CETP: variants seen among roughly 807,000 people sequenced by gnomAD.
CETP encodes the protein BPI fold containing family F.
CETP carries 56 observed loss-of-function variants against 66.5 expected under a neutral mutation model. That is an observed-to-expected ratio of 0.84 (90% confidence interval 0.68 to 1.05). CETP has a LOEUF of 1.05. CETP is among the 50% of genes least tolerant of loss of function. The pLI is 0.00. For missense variants in CETP, 612 were observed against 609.6 expected, an observed-to-expected ratio of 1.00 and a Z score of -0.04; for synonymous variants, 251 against 245.7, an observed-to-expected ratio of 1.02 and a Z score of -0.20.
In CETP at chr16:56,971,945, G is replaced by T. The variant is rs777159862; in HGVS notation, c.659-47G>T. 5.2e-6 allele frequency: 8 copies of T among 1,530,206 alleles called. No homozygotes were observed. In the South Asian group the frequency reaches 7.8e-5, roughly 15 times the overall value. The allele number at this position is 1,530,206 out of a possible 1,614,324, so 94.8% of individuals were successfully genotyped here. On this transcript the variant is annotated intron_variant, in intron 7 of 15. Coordinates refer to ENST00000200676, the MANE Select transcript of CETP (RefSeq NM_000078.3). ...GGATGCAGGGGAGCGGTGACTCAGG[G>T]CAATTCCCCCATCCTGAGGCCCTGC... is the stretch of plus-strand genomic sequence containing the variant.
intron 2 of CETP, 97 bp from the exon 3 acceptor site, chr16:56,969,289 T>A (rs1392418492): frequency 6.6e-7 from 1 of 1,521,706 alleles, no homozygotes; most frequent in Admixed American, 1.7e-5. Context: ...GGGGCCATGA[T>A]TCTATCTTCC....
chr16:56,975,678 C>T (rs2056144346), intron 10 of CETP, among the ~76,000 whole-genome samples: 1 of 152,208 alleles, frequency 6.6e-6, no homozygotes, highest in Non-Finnish European at 1.5e-5. Flanking sequence ...CCATGATCTC[C>T]TACCTCAAAT....
chr16:56,972,102 T>G lies in CETP; in HGVS notation c.750+19T>G, dbSNP rs1597000847. ...TCACAAGGTAGGAGTTGTGGGAGGG[T>G]GGGGCAGGGCCCAGCTTCCCCAGGG... On this transcript the variant is annotated intron_variant, in intron 8 of 15. Coordinates refer to ENST00000200676, the MANE Select transcript of CETP (RefSeq NM_000078.3). 1 of 1,598,452 alleles carries G rather than the reference T, an allele frequency of 6.3e-7. No homozygotes were observed. The highest frequency in any genetic ancestry group is 8.6e-7 in the Non-Finnish European group (1 of 1,166,160).
At position 56,983,367 on chromosome 16, in the gene CETP, G is replaced by A. The variant is rs2228667; in HGVS notation, c.1363G>A (p.Val455Met). 6.6e-5 allele frequency: 106 copies of A among 1,614,242 alleles called. No homozygotes were observed. The African/African-American group carries it at 7.9e-4, about 12-fold the overall frequency. Residue 455 changes from valine to methionine, a missense_variant, in exon 15 of 16, where the codon GTG becomes ATG. Val to Met is a conservative substitution (Grantham distance 21). Transcript: ENST00000200676. The stretch of plus-strand genomic sequence containing the variant: ...TACAGCCCTCATGAACAGCAAAGGC[G>A]TGAGCCTCTTCGACATCATCAACCC... ...VFTALMNSKG[V>M]SLFDIINPEI... is the part of the protein sequence containing the mutation.
chr16:56,963,728 G>C (rs2141991478), intron 2 of CETP, among the ~76,000 whole-genome samples: 1 of 152,238 alleles, frequency 6.6e-6, no homozygotes, highest in East Asian at 1.9e-4. Flanking sequence ...GGAGTGCAGT[G>C]GCACAATCTC....
rs781066624 is a variant in CETP at position 56,981,654 on chromosome 16, C to A, written c.1222C>A (p.Pro408Thr). The change falls in exon 13 of 16, where the codon CCA (proline) becomes ACA (threonine). Residue 408 changes from proline (P) to threonine (T), a missense_variant. Transcript: ENST00000200676. ...ATCGCTTTTTTATTTCAGGATTACA[C>A]CAAAGACTGTTTCCAACTTGACTGA... Reference protein sequence around the residue: ...FLSLLDFQITPKTVSNLTESS... With the variant: ...FLSLLDFQITTKTVSNLTESS... 3 of 1,613,810 alleles carry A rather than the reference C, an allele frequency of 1.9e-6. No individual in the cohort carries two copies. The East Asian group carries it at 6.7e-5, about 36-fold the overall frequency.
intron 1 of CETP, among the ~76,000 whole-genome samples, chr16:56,962,773 T>TC (rs2141990449): frequency 6.6e-6 from 1 of 152,200 alleles, no homozygotes; most frequent in East Asian, 1.9e-4. Context: ...TGTGTCAGGA[T>TC]CCAGAGGCTA....
chr16:56,975,226 C>T lies in CETP; in HGVS notation c.981+75C>T. Reference sequence around the variant, plus strand: ...TGCTCTGGCTTCAAGAGCCCCCACACAGCCAATAACACCACCAATGGCAAC... The same window carrying T: ...TGCTCTGGCTTCAAGAGCCCCCACATAGCCAATAACACCACCAATGGCAAC... On this transcript the variant is annotated intron_variant, in intron 10 of 15. Transcript: ENST00000200676. The T allele has an allele frequency of 4.1e-6, 5 of 1,224,902 alleles. No homozygotes were observed. In the South Asian group the frequency reaches 6.0e-5, roughly 15 times the overall value. The allele number at this position is 1,224,902 out of a possible 1,614,324, so 75.9% of individuals were successfully genotyped here.
At chr16:56,962,495 C>G in intron 1 of CETP, 1 of 426,458 alleles carries the variant, frequency 2.3e-6, no homozygotes, top group Non-Finnish European at 4.6e-6. Flanking sequence ...TTGCCATGAG[C>G]TCAGGTGACG....
At chr16:56,966,560 C>T (rs1038147338) in intron 2 of CETP, among the ~76,000 whole-genome samples, 10 of 152,058 alleles carry the variant, frequency 6.6e-5, no homozygotes, top group African/African-American at 1.7e-4. Context: ...CCCTGCAGCC[C>T]GGCTGGGTTT....
Position 56,965,133 on chromosome 16 carries a change from G to C in CETP, c.233+2009G>C, listed in dbSNP as rs144472672. ...TAATGCTATCCTAGACCTATGTGTT[G>C]CAAGAGGTCAGACATGGCAAAAGCG... On this transcript the variant is annotated intron_variant, in intron 2 of 15. Coordinates refer to ENST00000200676, the MANE Select transcript of CETP (RefSeq NM_000078.3). 3.9e-5 allele frequency among the ~76,000 whole-genome samples: 6 copies of C among 152,314 alleles called. No individual in the cohort carries two copies. In the East Asian group the frequency reaches 1.2e-3, roughly 29 times the overall value.
intron 1 of CETP, 113 bp from the exon 2 acceptor site, chr16:56,962,897 C>T (rs747420636): frequency 6.8e-6 from 6 of 887,416 alleles, no homozygotes; most frequent in Non-Finnish European, 1.1e-5. Flanking sequence ...AGCTTTAAGA[C>T]CTGCTGGGAG....
rs749289206 is a variant in CETP, at chr16:56,978,261, G to GCCT, written c.1146+7_1146+8insCTC. On this transcript the variant is annotated splice_region_variant and intron_variant, in intron 11 of 15. Coordinates refer to ENST00000200676, the MANE Select transcript of CETP (RefSeq NM_000078.3). ...TAGCTTACACATTTGAAGAGGTGAG[G>GCCT]CGGGTGCAGGGAGAGGTGGTGGTGG... is the stretch of plus-strand genomic sequence containing the variant. 2 of 1,614,068 alleles carry GCCT rather than the reference G, an allele frequency of 1.2e-6. No homozygotes were observed. The highest frequency in any genetic ancestry group is 2.2e-5 in the South Asian group (2 of 91,078).
In CETP at chr16:56,978,266, T is replaced by A; in HGVS notation, c.1146+11T>A. The A allele has an allele frequency of 6.2e-7, 1 of 1,613,556 alleles. No homozygotes were observed. The highest frequency in any genetic ancestry group is 8.5e-7 in the Non-Finnish European group (1 of 1,179,830). ...TACACATTTGAAGAGGTGAGGCGGG[T>A]GCAGGGAGAGGTGGTGGTGGGGGAA... On this transcript the variant is annotated intron_variant, in intron 11 of 15. Transcript: ENST00000200676.
At chr16:56,969,338 C>G (rs13306230) in intron 2 of CETP, 48 bp from the exon 3 acceptor site, 2 of 1,612,124 alleles carry the variant, frequency 1.2e-6, no homozygotes, top group East Asian at 2.2e-5. Context: ...ACTCCTTGGG[C>G]TCCCTGGATG....
chr16:56,973,004 G>T (rs1226351207), intron 8 of CETP, among the ~76,000 whole-genome samples: 1 of 152,210 alleles, frequency 6.6e-6, no homozygotes, highest in African/African-American at 2.4e-5. Flanking sequence ...CAGGGGCAGG[G>T]CTGGTGGTCA....
intron 10 of CETP, among the ~76,000 whole-genome samples, chr16:56,977,714 G>C (rs2056159462): frequency 6.6e-6 from 1 of 151,780 alleles, no homozygotes; most frequent in Non-Finnish European, 1.5e-5. Context: ...CATGCAGTAG[G>C]TCCTGTTCTA....
chr16:56,972,466 A>G (rs11076175), intron 8 of CETP, among the ~76,000 whole-genome samples: 30,036 of 152,224 alleles, frequency 0.2, 3,147 homozygotes, highest in African/African-American at 0.25. Context: ...AAGAAATCCG[A>G]AATAATAGCT....
intron 12 of CETP, 128 bp downstream of exon 12, chr16:56,981,353 C>G (rs2056186161): frequency 1.2e-6 from 1 of 849,062 alleles, no homozygotes; most frequent in African/African-American, 1.7e-5. Context: ...TATGGGCTGA[C>G]TGCAGGGAGA....
Sources: gnomAD v4.1 joint callset for allele counts (sites outside exome capture counted in the v4.1 genomes callset) on GRCh38, gnomAD v4.1.1 for gene constraint, MANE v1.5 for transcripts, NCBI Gene and HGNC (gene_info 2026-07-23, HGNC 2026-07-21) for gene names.